Variants in GDF1 observed in about 807,000 individuals in gnomAD.
The protein encoded by GDF1 is embryonic growth/differentiation factor 1.
In GDF1, 8 loss-of-function variants were observed where a neutral mutation model predicts 7.4. The ratio of observed to expected loss-of-function variants is 1.09; its 90% confidence interval spans 0.64 to 1.96. The LOEUF (loss-of-function observed/expected upper bound fraction) is 1.96. Ranked by LOEUF, GDF1 falls within the 30% of genes most tolerant of loss-of-function variation. GDF1 has a pLI of 0.00. For missense variants in GDF1, 574 were observed against 551.5 expected (o/e 1.04, Z -0.41); for synonymous variants, 311 against 276.7 (o/e 1.12, Z -1.23).
At chr19:18,876,061 T>C (rs1358351733) in intron 6 of GDF1, among the ~76,000 whole-genome samples, 3 of 152,246 alleles carry the variant, frequency 2.0e-5, no homozygotes, top group Admixed American at 1.3e-4. Context: ...TTTTTTTCAC[T>C]GCAACCTCTG....
intron 2 of GDF1, among the ~76,000 whole-genome samples, chr19:18,892,379 C>T (rs1323880533): frequency 1.3e-5 from 2 of 151,924 alleles, no homozygotes; most frequent in African/African-American, 4.8e-5. Context: ...CTTTGGGAGG[C>T]TGAGGCGGGC....
intron 2 of GDF1, among the ~76,000 whole-genome samples, chr19:18,890,578 G>C (rs780256393): frequency 1.6e-4 from 25 of 151,918 alleles, no homozygotes; most frequent in Non-Finnish European, 3.1e-4. Context: ...AGGAGTTCAA[G>C]ACCAGCCTGG....
Position 18,884,272 on chromosome 19 carries a change from G to A in GDF1, c.-913-5C>T, listed in dbSNP as rs775860483. ...CTGCCATGCCCGGCGTCCAGTCTGGGGAGAGCCAAATCTCACAGTCAGGGC... is the reference window on the plus strand; with the variant it reads ...CTGCCATGCCCGGCGTCCAGTCTGGAGAGAGCCAAATCTCACAGTCAGGGC... On this transcript the variant is annotated splice_polypyrimidine_tract_variant and splice_region_variant and intron_variant, in intron 2 of 7. Transcript: ENST00000247005. 13 of 1,608,586 alleles carry A rather than the reference G, an allele frequency of 8.1e-6. No homozygotes were observed. The highest frequency in any genetic ancestry group is 8.5e-6 in the Non-Finnish European group (10 of 1,178,230).
intron 3 of GDF1, chr19:18,883,422 C>G (rs907692855): frequency 2.0e-4 from 31 of 152,164 alleles, no homozygotes; most frequent in African/African-American, 7.5e-4. Context: ...AATCCCCACA[C>G]TTCGGGGAGC....
intron 3 of GDF1, among the ~76,000 whole-genome samples, chr19:18,880,687 G>A (rs1174292450): frequency 6.6e-6 from 1 of 151,718 alleles, no homozygotes; most frequent in Non-Finnish European, 1.5e-5. Context: ...ATGTGGCCCA[G>A]GGAGCTCCCT....
Position 18,895,822 on chromosome 19 carries a change from A to G in GDF1, c.-1074+2T>C. ...CTCGTCCCGGCCCCCGGCCACACTG[A>G]CCCGAAAGAGGCGCGCAGTGGCCGC... On this transcript the variant is annotated splice_donor_variant, in intron 1 of 7. Coordinates refer to ENST00000247005, the MANE Select transcript of GDF1 (RefSeq NM_001492.6). LOFTEE classifies it low-confidence loss of function (5UTR_SPLICE). This position sits in a 1 kb window ranked among gnomAD's most constrained non-coding sequence, Gnocchi z 6.4. 7.9e-7 allele frequency: 1 copy of G among 1,267,372 alleles called. No individual in the cohort carries two copies. Among genetic ancestry groups the G allele is most frequent in the African/African-American group, 1.6e-5 (1 of 61,608 alleles). 78.5% of individuals were successfully genotyped at this position (1,267,372 alleles called of 1,614,324 possible).
intron 7 of GDF1, 28 bp from the exon 8 acceptor site, chr19:18,869,418 T>C (rs2055920671): frequency 6.6e-7 from 1 of 1,523,556 alleles, no homozygotes. Context: ...GGAACTCGGC[T>C]CGCGCTGCGT....
intron 6 of GDF1, among the ~76,000 whole-genome samples, chr19:18,876,676 C>T (rs1017235883): frequency 2.0e-5 from 3 of 152,088 alleles, no homozygotes; most frequent in Non-Finnish European, 2.9e-5. Flanking sequence ...TGAGCCACCA[C>T]GCCTGGCCAA....
chr19:18,874,835 T>C (rs1399664057), intron 6 of GDF1, among the ~76,000 whole-genome samples: 1 of 152,004 alleles, frequency 6.6e-6, no homozygotes, highest in Non-Finnish European at 1.5e-5. Context: ...TGAGATGGGG[T>C]GAGGAAGAGA....
chr19:18,877,215 A>T (rs2056074568), intron 6 of GDF1, among the ~76,000 whole-genome samples: 3 of 152,216 alleles, frequency 2.0e-5, no homozygotes. Flanking sequence ...AGGACATGCC[A>T]GCTCTTACCC....
chr19:18,868,549 A>G lies in GDF1; in HGVS notation c.*48T>C, dbSNP rs1376070697. On this transcript the variant is annotated 3_prime_UTR_variant, in exon 8 of 8. Transcript: ENST00000247005. ...AGGAGTCCAAGGAGACCAGCGGAGC[A>G]GACCACGCGGCATTTATTGTTGGGC... 1 of 1,427,384 alleles carries G rather than the reference A, an allele frequency of 7.0e-7. No individual in the cohort carries two copies. Among genetic ancestry groups the G allele is most frequent in the Admixed American group, 2.0e-5 (1 of 50,568 alleles). 88.4% of individuals were successfully genotyped at this position (1,427,384 alleles called of 1,614,324 possible).
intron 2 of GDF1, among the ~76,000 whole-genome samples, chr19:18,891,025 G>A (rs1270792139): frequency 6.6e-6 from 1 of 152,002 alleles, no homozygotes; most frequent in Non-Finnish European, 1.5e-5. Flanking sequence ...TTAGGAGGCT[G>A]AGGCAGGAGA....
At position 18,878,791 on chromosome 19, in the gene GDF1, C is replaced by G. The variant is rs1296657524; in HGVS notation, c.-313+139G>C. 10 of 1,466,940 alleles carry G rather than the reference C, an allele frequency of 6.8e-6. No individual in the cohort carries two copies. The South Asian group carries it at 1.4e-4, about 20-fold the overall frequency. 90.9% of individuals were successfully genotyped at this position (1,466,940 alleles called of 1,614,324 possible). A position where few individuals can be genotyped will look rare whatever the true frequency, so the allele number is the denominator to read the frequency against. ...ACATCGTCCACGCCTTTATTGCAGT[C>G]TCTGTTTTGGAGTAGGCTTGGGGGG... On this transcript the variant is annotated intron_variant, in intron 6 of 7. Transcript: ENST00000247005. This position sits in a 1 kb window ranked among gnomAD's most constrained non-coding sequence, Gnocchi z 4.6.
chr19:18,895,892 GC>G lies in GDF1; in HGVS notation c.-1143del. The G allele has an allele frequency of 7.9e-7, 1 of 1,268,170 alleles. No homozygotes were observed. Among genetic ancestry groups the G allele is most frequent in the Non-Finnish European group, 9.9e-7 (1 of 1,007,572 alleles). The allele number at this position is 1,268,170 out of a possible 1,614,324, so 78.6% of individuals were successfully genotyped here. ...CCCAGCGCGCCGAGCGCCAGCAGCA[GC>G]AGCTCGGGCGGCGCCAGGTGCGCGT... On this transcript the variant is annotated 5_prime_UTR_variant, in exon 1 of 8. It introduces an in-frame stop codon into an upstream open reading frame of the 5' UTR. Transcript: ENST00000247005. This position sits in a 1 kb window ranked among gnomAD's most constrained non-coding sequence, Gnocchi z 6.4.
chr19:18,895,570 G>A lies in GDF1; in HGVS notation c.-1074+254C>T, dbSNP rs1431658598. 2.7e-5 allele frequency among the ~76,000 whole-genome samples: 4 copies of A among 150,312 alleles called. No individual in the cohort carries two copies. The East Asian group carries it at 5.9e-4, about 22-fold the overall frequency. On this transcript the variant is annotated intron_variant, in intron 1 of 7. Coordinates refer to ENST00000247005, the MANE Select transcript of GDF1 (RefSeq NM_001492.6). This position sits in a 1 kb window ranked among gnomAD's most constrained non-coding sequence, Gnocchi z 6.4. ...CCATGTCCCAGACTCACCCCAGCCC[G>A]GCCACACCCCCGCATCTACCCGGTT...
Position 18,868,998 on chromosome 19 carries a change from G to T in GDF1, c.718C>A (p.Leu240Ile). The T allele has an allele frequency of 9.0e-7, 1 of 1,107,324 alleles. No individual in the cohort carries two copies. Among genetic ancestry groups the T allele is most frequent in the East Asian group, 5.5e-5 (1 of 18,336 alleles). 68.6% of individuals were successfully genotyped at this position (1,107,324 alleles called of 1,614,324 possible). A position where few individuals can be genotyped will look rare whatever the true frequency, so the allele number is the denominator to read the frequency against. ...AGGGGGTGGCACAGGCGCGGGTCGA[G>T]GGTCACCAGCAGCAGCGAGGCCTCG... is the stretch of plus-strand genomic sequence containing the variant. ...LAEASLLLVT[L>I]DPRLCHPLAR... The change falls in exon 8 of 8, where the codon CTC becomes ATC. Residue 240 changes from leucine to isoleucine, a missense_variant. Physicochemically the swap from Leu to Ile is conservative, Grantham distance 5. Coordinates refer to ENST00000247005, the MANE Select transcript of GDF1 (RefSeq NM_001492.6).
intron 6 of GDF1, among the ~76,000 whole-genome samples, chr19:18,872,348 C>T (rs1314405276): frequency 6.6e-6 from 1 of 152,040 alleles, no homozygotes; most frequent in Non-Finnish European, 1.5e-5. Context: ...ATCTTTTTTT[C>T]TTGTTTTGTT....
intron 7 of GDF1, 22 bp downstream of exon 7, chr19:18,869,960 TC>T (rs777027920): frequency 6.4e-7 from 1 of 1,566,076 alleles, no homozygotes; most frequent in South Asian, 1.2e-5. Context: ...AGGACCAGTG[TC>T]CCCAGCGAAA....
intron 2 of GDF1, among the ~76,000 whole-genome samples, chr19:18,891,665 C>T (rs932916706): frequency 3.9e-5 from 6 of 152,034 alleles, no homozygotes; most frequent in Admixed American, 3.3e-4. Flanking sequence ...GCAACCTCCA[C>T]CTACCGGGTT....
Sources: allele counts gnomAD v4.1 joint callset (sites outside exome capture counted in the v4.1 genomes callset), GRCh38; gene constraint gnomAD v4.1.1; non-coding constraint Gnocchi (gnomAD v3.1); transcripts MANE v1.5; gene names NCBI Gene and HGNC (gene_info 2026-07-23, HGNC 2026-07-21).